PAK5: variants seen among roughly 807,000 people sequenced by gnomAD.
The protein encoded by PAK5 is p21 (RAC1) activated kinase 5.
PAK5 carries 16 observed loss-of-function variants against 65.9 expected under a neutral mutation model. The observed-to-expected ratio is 0.24, with a 90% CI of 0.16 to 0.37. The LOEUF is 0.37. Among genes scored for constraint, PAK5 ranks in the 10% least tolerant of loss-of-function variants. The pLI is 1.00. For missense variants in PAK5, 785 were observed against 903.9 expected (o/e 0.87, Z 1.69); for synonymous variants, 371 against 354.9 (o/e 1.05, Z -0.51).
At chr20:9,737,679 A>G (rs1354290902) in intron 1 of PAK5, among the ~76,000 whole-genome samples, 1 of 152,248 alleles carries the variant, frequency 6.6e-6, no homozygotes, top group Non-Finnish European at 1.5e-5. Context: ...AAAGCCTTTA[A>G]TGAATAGCCC....
intron 1 of PAK5, among the ~76,000 whole-genome samples, chr20:9,721,810 C>T (rs1055310507): frequency 1.3e-5 from 2 of 151,770 alleles, no homozygotes; most frequent in African/African-American, 4.8e-5. Flanking sequence ...TGACTAAAAG[C>T]TTTCCAGGTA....
intron 1 of PAK5, among the ~76,000 whole-genome samples, chr20:9,797,900 T>G (rs1280752714): frequency 6.6e-6 from 1 of 152,092 alleles, no homozygotes; most frequent in Non-Finnish European, 1.5e-5. Flanking sequence ...AGTATATGAA[T>G]GGTTCTATAT....
intron 3 of PAK5, among the ~76,000 whole-genome samples, chr20:9,618,565 C>G (rs1021650517): frequency 6.0e-5 from 9 of 149,340 alleles, no homozygotes; most frequent in Non-Finnish European, 1.3e-4. Context: ...TGCCACCAGG[C>G]CCAGCTAATT....
At chr20:9,607,667 A>T (rs1033474997) in intron 3 of PAK5, among the ~76,000 whole-genome samples, 19 of 152,010 alleles carry the variant, frequency 1.2e-4, no homozygotes, top group Admixed American at 1.3e-4. Context: ...AAAATATTTT[A>T]AAAAATTAGC....
At chr20:9,547,049 T>C (rs1475196767) in intron 7 of PAK5, among the ~76,000 whole-genome samples, 1 of 152,126 alleles carries the variant, frequency 6.6e-6, no homozygotes, top group Non-Finnish European at 1.5e-5. Flanking sequence ...CATATTGGAT[T>C]GGGGACAGGC....
chr20:9,681,419 G>T (rs1390886515), intron 2 of PAK5, among the ~76,000 whole-genome samples: 1 of 151,906 alleles, frequency 6.6e-6, no homozygotes, highest in Non-Finnish European at 1.5e-5. Flanking sequence ...AAACTATCTT[G>T]CTTAAAAGAT....
chr20:9,733,094 T>C (rs1458071344), intron 1 of PAK5, among the ~76,000 whole-genome samples: 1 of 152,208 alleles, frequency 6.6e-6, no homozygotes. Context: ...AAAGGGCAGA[T>C]ACTGGCTAGG....
chr20:9,545,329 G>A (rs773096514), intron 7 of PAK5, among the ~76,000 whole-genome samples: 8 of 152,136 alleles, frequency 5.3e-5, no homozygotes, highest in Non-Finnish European at 8.8e-5. Flanking sequence ...CTAGATGACC[G>A]GGATTCAGTT....
chr20:9,641,990 G>A (rs1479622908), intron 3 of PAK5, among the ~76,000 whole-genome samples: 2 of 152,180 alleles, frequency 1.3e-5, no homozygotes, highest in Non-Finnish European at 2.9e-5. Flanking sequence ...CTCCCTGCAA[G>A]CTGAGGGAGT....
intron 3 of PAK5, among the ~76,000 whole-genome samples, chr20:9,630,779 CT>C (rs1412534330): frequency 9.2e-5 from 14 of 152,208 alleles, no homozygotes; most frequent in African/African-American, 3.4e-4. Flanking sequence ...AATCAGGGAA[CT>C]CCTAACATTT....
intron 1 of PAK5, among the ~76,000 whole-genome samples, chr20:9,792,885 A>G (rs1466696879): frequency 1.3e-5 from 2 of 152,142 alleles, no homozygotes; most frequent in Non-Finnish European, 2.9e-5. Flanking sequence ...AATCAATCAA[A>G]CGTTCTGGCA....
chr20:9,791,843 C>T (rs1488474532), intron 1 of PAK5, among the ~76,000 whole-genome samples: 4 of 152,078 alleles, frequency 2.6e-5, no homozygotes, highest in African/African-American at 7.2e-5. Context: ...TGGGTCACAC[C>T]TCCAGGGCTT....
In PAK5 at chr20:9,550,048, G is replaced by A. The variant is rs116846958; in HGVS notation, c.1744-5554C>T. 7.1e-3 allele frequency among the ~76,000 whole-genome samples: 1,085 copies of A among 152,210 alleles called. 27 individuals are homozygous for A. In the East Asian group the frequency reaches 0.087, roughly 12 times the overall value. ...TGACACCTGTCTCAGATACTGTTTCGTTTTACACCAGCATGTAAAATGTAC... is the reference window on the plus strand; with the variant it reads ...TGACACCTGTCTCAGATACTGTTTCATTTTACACCAGCATGTAAAATGTAC... On this transcript the variant is annotated intron_variant, in intron 7 of 9. Transcript: ENST00000353224.
chr20:9,682,466 T>C (rs532026796), intron 2 of PAK5, among the ~76,000 whole-genome samples: 35 of 152,318 alleles, frequency 2.3e-4, no homozygotes, highest in African/African-American at 7.9e-4. Flanking sequence ...CTGAGCTTCA[T>C]TTCCTCTCAA....
chr20:9,774,839 C>T (rs1600358646), intron 1 of PAK5, among the ~76,000 whole-genome samples: 3 of 151,930 alleles, frequency 2.0e-5, no homozygotes, highest in East Asian at 3.9e-4. Flanking sequence ...GCCTGTAGTC[C>T]CAGCTACTCG....
At chr20:9,609,613 T>C (rs995479048) in intron 3 of PAK5, among the ~76,000 whole-genome samples, 11 of 152,144 alleles carry the variant, frequency 7.2e-5, no homozygotes, top group Admixed American at 7.2e-4. Flanking sequence ...CCACCAGTGG[T>C]CAAAGCCATC....
intron 1 of PAK5, among the ~76,000 whole-genome samples, chr20:9,714,564 C>G (rs958309874): frequency 1.3e-5 from 2 of 152,046 alleles, no homozygotes; most frequent in Non-Finnish European, 2.9e-5. Context: ...ATTAAGTTTA[C>G]CTCTCAATAT....
At chr20:9,730,255 C>A (rs889318860) in intron 1 of PAK5, among the ~76,000 whole-genome samples, 3 of 151,874 alleles carry the variant, frequency 2.0e-5, no homozygotes, top group African/African-American at 7.2e-5. Flanking sequence ...GAGCTATTAA[C>A]ATTTTATATC....
At chr20:9,658,176 C>A (rs751722580) in intron 2 of PAK5, among the ~76,000 whole-genome samples, 2 of 152,198 alleles carry the variant, frequency 1.3e-5, no homozygotes, top group African/African-American at 2.4e-5. Context: ...TTAGCTTTGG[C>A]TGCATATCAC....
Sources: gnomAD v4.1 joint callset for allele counts (sites outside exome capture counted in the v4.1 genomes callset) on GRCh38, gnomAD v4.1.1 for gene constraint, MANE v1.5 for transcripts, NCBI Gene and HGNC (gene_info 2026-07-23, HGNC 2026-07-21) for gene names.